DCK: variants seen among roughly 807,000 people sequenced by gnomAD.
DCK encodes the protein deoxyadenosine kinase.
Under a neutral mutation model 38.3 loss-of-function variants are expected in DCK, and 23 were observed. That is an observed-to-expected ratio of 0.60 (90% confidence interval 0.43 to 0.85). The LOEUF (loss-of-function observed/expected upper bound fraction) is 0.85, where lower values mean the gene tolerates loss of function less well. DCK is among the 40% of genes least tolerant of loss of function. The pLI is 0.00. For missense variants in DCK, 259 were observed against 304.4 expected, an observed-to-expected ratio of 0.85 and a Z score of 1.11; for synonymous variants, 108 against 100.6, an observed-to-expected ratio of 1.07 and a Z score of -0.44.
At chr4:71,024,279 T>C (rs1228952711) in intron 4 of DCK, among the ~76,000 whole-genome samples, 1 of 152,128 alleles carries the variant, frequency 6.6e-6, no homozygotes, top group Admixed American at 6.5e-5. Context: ...CCATTTTCCA[T>C]TAAGGGAGCT....
intron 6 of DCK, among the ~76,000 whole-genome samples, chr4:71,028,044 A>G (rs1426021730): frequency 1.3e-5 from 2 of 152,234 alleles, no homozygotes; most frequent in African/African-American, 4.8e-5. Flanking sequence ...GAACAAGCAT[A>G]TTCTTACATT....
chr4:71,020,473 T>C (rs1048896839), intron 2 of DCK, among the ~76,000 whole-genome samples: 5 of 152,226 alleles, frequency 3.3e-5, no homozygotes, highest in African/African-American at 1.2e-4. Flanking sequence ...CATTGCAGTA[T>C]ATTAGTAGGT....
intron 2 of DCK, among the ~76,000 whole-genome samples, chr4:71,009,555 A>T (rs1017710070): frequency 3.3e-5 from 5 of 152,206 alleles, no homozygotes; most frequent in African/African-American, 9.6e-5. Flanking sequence ...CAGAATGCCA[A>T]ACTGGCCATT....
intron 2 of DCK, among the ~76,000 whole-genome samples, chr4:71,010,223 A>G (rs1264483472): frequency 7.0e-6 from 1 of 143,238 alleles, no homozygotes; most frequent in African/African-American, 2.7e-5. Context: ...TATACTATTG[A>G]TAAGGTACTC....
intron 2 of DCK, among the ~76,000 whole-genome samples, chr4:71,013,531 G>A (rs931229197): frequency 5.9e-5 from 9 of 152,194 alleles, no homozygotes; most frequent in Non-Finnish European, 1.3e-4. Context: ...TACCCACAAA[G>A]GGAAGCCCAT....
At chr4:71,014,252 C>A (rs556257393) in intron 2 of DCK, among the ~76,000 whole-genome samples, 25 of 152,276 alleles carry the variant, frequency 1.6e-4, no homozygotes, top group Non-Finnish European at 2.6e-4. Context: ...AATACAGGAG[C>A]ACCCAGATTC....
At chr4:71,018,921 C>A (rs1488783491) in intron 2 of DCK, among the ~76,000 whole-genome samples, 1 of 152,106 alleles carries the variant, frequency 6.6e-6, no homozygotes, top group Non-Finnish European at 1.5e-5. Context: ...ATCCGCCTGC[C>A]TCGGACTCCC....
intron 4 of DCK, among the ~76,000 whole-genome samples, chr4:71,025,359 G>A (rs558261095): frequency 5.0e-4 from 76 of 152,132 alleles, no homozygotes; most frequent in Non-Finnish European, 1.5e-5. Context: ...ACATTCCAAA[G>A]TTGTTTTGGT....
chr4:71,006,967 TA>T (rs985790551), intron 2 of DCK, among the ~76,000 whole-genome samples: 57 of 152,346 alleles, frequency 3.7e-4, no homozygotes, highest in African/African-American at 1.2e-3. Flanking sequence ...ATTGAATATT[TA>T]AAATGTAAAT....
At chr4:71,015,730 A>G (rs1740244549) in intron 2 of DCK, among the ~76,000 whole-genome samples, 1 of 152,240 alleles carries the variant, frequency 6.6e-6, no homozygotes, top group Admixed American at 6.5e-5. Context: ...ACAAAACTCA[A>G]CAACCCTTAT....
At chr4:71,013,697 A>G (rs577052679) in intron 2 of DCK, among the ~76,000 whole-genome samples, 1 of 152,350 alleles carries the variant, frequency 6.6e-6, no homozygotes, top group South Asian at 2.1e-4. Context: ...TCCTTTACAG[A>G]CAAGCAAATG....
chr4:71,004,900 G>A (rs1183927233), intron 2 of DCK, among the ~76,000 whole-genome samples: 1 of 151,986 alleles, frequency 6.6e-6, no homozygotes, highest in African/African-American at 2.4e-5. Flanking sequence ...TGGGCTCCGT[G>A]GGGGTGGGAT....
At chr4:71,011,609 C>T (rs562735542) in intron 2 of DCK, among the ~76,000 whole-genome samples, 5 of 152,284 alleles carry the variant, frequency 3.3e-5, no homozygotes, top group South Asian at 4.1e-4. Context: ...CCGCCTGCCT[C>T]GGCCTCCCAA....
chr4:71,013,400 T>A (rs1740154929), intron 2 of DCK, among the ~76,000 whole-genome samples: 1 of 152,042 alleles, frequency 6.6e-6, no homozygotes, highest in Non-Finnish European at 1.5e-5. Context: ...ATTCAGGAAA[T>A]ACAGAGAACA....
At chr4:71,023,428 G>A (rs1254078896) in intron 3 of DCK, 131 bp from the exon 4 acceptor site, 16 of 610,212 alleles carry the variant, frequency 2.6e-5, no homozygotes, top group Non-Finnish European at 4.4e-5. Context: ...AAAGACTCTT[G>A]TCTTTTTCTG....
chr4:71,029,356 A>G lies in DCK; in HGVS notation c.761A>G (p.Lys254Arg). The G allele has an allele frequency of 6.2e-7, 1 of 1,603,018 alleles. No homozygotes were observed. Among genetic ancestry groups the G allele is most frequent in the Non-Finnish European group, 8.5e-7 (1 of 1,173,960 alleles). ...DKYESLVEKV[K>R]EFLSTL The stretch of plus-strand genomic sequence containing the variant: ...TTTTTTTCTTCCTTTCCTCAGGTCA[A>G]AGAGTTTTTGAGTACTTTGTGATCT... Residue 254 changes from lysine to arginine, a missense_variant, in exon 7 of 7, where the codon AAA becomes AGA. Transcript: ENST00000286648.
At position 70,998,135 on chromosome 4, in the gene DCK, C is replaced by A; in HGVS notation, c.160C>A (p.Pro54Thr). Reference protein sequence around the residue: ...LCEDWEVVPEPVARWCNVQST... With the variant: ...LCEDWEVVPETVARWCNVQST... The stretch of plus-strand genomic sequence containing the variant: ...TGAAGATTGGGAAGTGGTTCCTGAA[C>A]CTGTTGCCAGATGGTGCAATGTTCA... The change falls in exon 2 of 7, where the codon CCT becomes ACT. Residue 54 changes from proline to threonine, a missense_variant. This residue lies in a region of DCK where 159 missense variants were observed against 159.0 expected (regional missense o/e 1.00). Transcript: ENST00000286648. 1 of 1,607,958 alleles carries A rather than the reference C, an allele frequency of 6.2e-7. No homozygotes were observed. The highest frequency in any genetic ancestry group is 8.5e-7 in the Non-Finnish European group (1 of 1,176,050).
chr4:71,030,484 G>A lies in DCK; in HGVS notation c.*1106G>A, dbSNP rs200846765. ...TTTCTTATTCAAAGATGATAATTTA[G>A]TGGATTAACCAGTCCAGACGCACTG... On this transcript the variant is annotated 3_prime_UTR_variant, in exon 7 of 7. Transcript: ENST00000286648. 1 of 152,040 alleles carries A rather than the reference G, an allele frequency of 6.6e-6. No individual in the cohort carries two copies. Among genetic ancestry groups the A allele is most frequent in the Admixed American group, 6.6e-5 (1 of 15,260 alleles). 9.4% of individuals were successfully genotyped at this position (152,040 alleles called of 1,614,324 possible). A position where few individuals can be genotyped will look rare whatever the true frequency, so the allele number is the denominator to read the frequency against.
Position 71,030,401 on chromosome 4 carries a change from A to G in DCK, c.*1023A>G, listed in dbSNP as rs1740659768. 6.6e-6 allele frequency: 1 copy of G among 152,078 alleles called. No homozygotes were observed. Among genetic ancestry groups the G allele is most frequent in the Admixed American group, 6.5e-5 (1 of 15,268 alleles). The allele number at this position is 152,078 out of a possible 1,614,324, so 9.4% of individuals were successfully genotyped here. ...ATTTTATGTATTTTAAAATAAGGGG[A>G]AGAGTCATTTTCACTTTTAAACTAC... On this transcript the variant is annotated 3_prime_UTR_variant, in exon 7 of 7. Transcript: ENST00000286648.
Sources: allele counts gnomAD v4.1 joint callset (sites outside exome capture counted in the v4.1 genomes callset), GRCh38; gene constraint gnomAD v4.1.1; regional missense constraint gnomAD v4.1.1; transcripts MANE v1.5; gene names NCBI Gene and HGNC (gene_info 2026-07-23, HGNC 2026-07-21).